Variants in SVBP observed in about 807,000 individuals in gnomAD.
SVBP encodes the protein small vasohibin-binding protein.
A neutral mutation model predicts 9.2 loss-of-function variants in SVBP; 9 were observed. The ratio of observed to expected loss-of-function variants is 0.98; its 90% confidence interval spans 0.59 to 1.71. The LOEUF is 1.71. Among genes scored for constraint, SVBP ranks in the 40% most tolerant of loss-of-function variants. SVBP has a pLI of 0.00. For missense variants in SVBP, 63 were observed against 73.2 expected, an observed-to-expected ratio of 0.86 and a Z score of 0.51; for synonymous variants, 27 against 23.9, an observed-to-expected ratio of 1.13 and a Z score of -0.37.
intron 2 of SVBP, among the ~76,000 whole-genome samples, chr1:42,811,423 T>C (rs751577448): frequency 4.6e-5 from 7 of 152,210 alleles, no homozygotes; most frequent in Non-Finnish European, 1.0e-4. Context: ...TATGCATGTG[T>C]AGGCTTGGCT....
intron 2 of SVBP, 99 bp from the exon 3 acceptor site, chr1:42,807,599 C>T: frequency 1.2e-6 from 1 of 868,496 alleles, no homozygotes; most frequent in Non-Finnish European, 1.9e-6. Context: ...ACCAGAATTT[C>T]ACCAGTAGTG....
intron 2 of SVBP, among the ~76,000 whole-genome samples, chr1:42,815,187 G>A (rs565562951): frequency 1.3e-3 from 181 of 136,326 alleles, no homozygotes; most frequent in African/African-American, 4.7e-3. Context: ...TTGGACACAG[G>A]AAGGGGAACA....
chr1:42,817,090 C>CCGGCCCCAGGGGA (rs2124260679), intron 1 of SVBP, 100 bp downstream of exon 1: 1 of 869,652 alleles, frequency 1.1e-6, no homozygotes, highest in East Asian at 1.2e-4. Flanking sequence ...CCCGGCCCGC[C>CCGGCCCCAGGGGA]CGGCCCCAGG....
At chr1:42,816,321 C>T in intron 2 of SVBP, 110 bp downstream of exon 2, 1 of 789,624 alleles carries the variant, frequency 1.3e-6, no homozygotes, top group South Asian at 1.7e-5. Context: ...AACACCCATC[C>T]TGCCTGGAGG....
At position 42,807,337 on chromosome 1, in the gene SVBP, A is replaced by T; in HGVS notation, c.*77T>A. ...TTCTGGTCTAGTTCTGTAAGGCTCC[A>T]AATGGGCCATCTCAGCTTAAAACTG... On this transcript the variant is annotated 3_prime_UTR_variant, in exon 3 of 3. Transcript: ENST00000372521. 2.0e-6 allele frequency: 2 copies of T among 1,022,168 alleles called. No individual in the cohort carries two copies. Among genetic ancestry groups the T allele is most frequent in the Non-Finnish European group, 3.1e-6 (2 of 643,994 alleles). The allele number at this position is 1,022,168 out of a possible 1,614,324, so 63.3% of individuals were successfully genotyped here. A position where few individuals can be genotyped will look rare whatever the true frequency, so the allele number is the denominator to read the frequency against.
chr1:42,810,667 C>T (rs916313982), intron 2 of SVBP, among the ~76,000 whole-genome samples: 5 of 152,022 alleles, frequency 3.3e-5, no homozygotes, highest in East Asian at 1.9e-4. Context: ...AAGAAGGAAA[C>T]GGACCCTAGC....
Position 42,817,184 on chromosome 1 carries a change from CTG to C in SVBP, c.-37+4_-37+5del. On this transcript the variant is annotated splice_donor_5th_base_variant and intron_variant, in intron 1 of 2. Coordinates refer to ENST00000372521, the MANE Select transcript of SVBP (RefSeq NM_199342.4). ...GCCGCCGACCAAGAGGCTTGGGAGT[CTG>C]TACCTTTCCCGACCGGGCCACTGGA... The C allele has an allele frequency of 8.0e-7, 1 of 1,248,138 alleles. No homozygotes were observed. The highest frequency in any genetic ancestry group is 1.0e-6 in the Non-Finnish European group (1 of 970,026). 77.3% of individuals were successfully genotyped at this position (1,248,138 alleles called of 1,614,324 possible). A position where few individuals can be genotyped will look rare whatever the true frequency, so the allele number is the denominator to read the frequency against.
chr1:42,816,875 A>G (rs1340907421), intron 1 of SVBP: 1 of 231,264 alleles, frequency 4.3e-6, no homozygotes, highest in African/African-American at 2.3e-5. Flanking sequence ...TGAAATGCAA[A>G]GACCCCTGTG....
intron 2 of SVBP, among the ~76,000 whole-genome samples, chr1:42,808,167 A>AG (rs1190994321): frequency 1.5e-5 from 2 of 130,408 alleles, no homozygotes; most frequent in Non-Finnish European, 3.1e-5. Context: ...ATATATATAT[A>AG]TATATATATA....
At chr1:42,809,786 A>G (rs894300717) in intron 2 of SVBP, among the ~76,000 whole-genome samples, 1 of 152,262 alleles carries the variant, frequency 6.6e-6, no homozygotes, top group South Asian at 2.1e-4. Flanking sequence ...TAATAAAAAT[A>G]AATAAACTTG....
chr1:42,808,079 TG>T (rs1653997313), intron 2 of SVBP, among the ~76,000 whole-genome samples: 1 of 147,804 alleles, frequency 6.8e-6, no homozygotes. Context: ...GGATTTTATC[TG>T]GCAGATTCTG....
At chr1:42,810,035 G>A (rs938630674) in intron 2 of SVBP, among the ~76,000 whole-genome samples, 10 of 151,642 alleles carry the variant, frequency 6.6e-5, no homozygotes, top group East Asian at 1.9e-4. Context: ...TACTGGTCAC[G>A]TTCTATAGTT....
At chr1:42,812,964 A>C (rs1654111473) in intron 2 of SVBP, among the ~76,000 whole-genome samples, 1 of 152,244 alleles carries the variant, frequency 6.6e-6, no homozygotes. Context: ...GGTAAAAGGC[A>C]CAAGTTTTTT....
intron 1 of SVBP, 28 bp from the exon 2 acceptor site, chr1:42,816,608 TCAAAA>T (rs1304874499): frequency 3.4e-6 from 4 of 1,181,820 alleles, no homozygotes; most frequent in Non-Finnish European, 2.5e-6. Flanking sequence ...AGGCAGATCT[TCAAAA>T]CAAAACAAAA....
At position 42,807,425 on chromosome 1, in the gene SVBP, G is replaced by C; in HGVS notation, c.190C>G (p.Pro64Ala). The change falls in exon 3 of 3, where the codon CCT (proline) becomes GCT (alanine). Residue 64 changes from proline (P) to alanine (A), a missense_variant. Transcript: ENST00000372521. ...FDEFCKQMQP[P>A]GE The stretch of plus-strand genomic sequence containing the variant: ...TTGAACCTGGGGCCTCATTCTCCAG[G>C]AGGCTGCATCTGTTTACAGAACTCA... 1 of 1,613,574 alleles carries C rather than the reference G, an allele frequency of 6.2e-7. No individual in the cohort carries two copies. Among genetic ancestry groups the C allele is most frequent in the Non-Finnish European group, 8.5e-7 (1 of 1,179,600 alleles).
chr1:42,810,881 T>C (rs1654069015), intron 2 of SVBP, among the ~76,000 whole-genome samples: 1 of 152,168 alleles, frequency 6.6e-6, no homozygotes, highest in Non-Finnish European at 1.5e-5. Context: ...GGCTCACATA[T>C]GTAATCCCAG....
intron 2 of SVBP, among the ~76,000 whole-genome samples, chr1:42,810,827 C>T (rs1654068015): frequency 6.6e-6 from 1 of 152,088 alleles, no homozygotes; most frequent in Non-Finnish European, 1.5e-5. Context: ...TGTTGCATTA[C>T]ATTCCAGGCA....
chr1:42,807,235 G>A lies in SVBP; in HGVS notation c.*179C>T, dbSNP rs1328064153. The A allele has an allele frequency of 1.9e-5, 8 of 425,104 alleles. No homozygotes were observed. Among genetic ancestry groups the A allele is most frequent in the African/African-American group, 4.1e-5 (2 of 49,266 alleles). 26.3% of individuals were successfully genotyped at this position (425,104 alleles called of 1,614,324 possible). On this transcript the variant is annotated 3_prime_UTR_variant, in exon 3 of 3. Transcript: ENST00000372521. ...AAACAAGTCTCTTCAGCAAGCATGTGGCCAATTCAGATGGGAGGAACCAGT... is the reference window on the plus strand; with the variant it reads ...AAACAAGTCTCTTCAGCAAGCATGTAGCCAATTCAGATGGGAGGAACCAGT...
intron 2 of SVBP, among the ~76,000 whole-genome samples, chr1:42,808,149 GTATA>G (rs781743959): frequency 0.012 from 713 of 58,298 alleles, 20 homozygotes; most frequent in African/African-American, 0.042. Context: ...GTGTGTGTGT[GTATA>G]TATATATATA....
Sources: gnomAD v4.1 joint callset for allele counts (sites outside exome capture counted in the v4.1 genomes callset) on GRCh38, gnomAD v4.1.1 for gene constraint, MANE v1.5 for transcripts, NCBI Gene and HGNC (gene_info 2026-07-23, HGNC 2026-07-21) for gene names.